The following EPS15 variants were observed in gnomAD, a reference collection of about 807,000 sequenced individuals.
The protein encoded by EPS15 is epidermal growth factor receptor substrate 15.
In EPS15, 72 loss-of-function variants were observed where a neutral mutation model predicts 113.8. That is an observed-to-expected ratio of 0.63 (90% CI 0.52 to 0.77). The LOEUF is 0.77. EPS15 is among the 30% of genes least tolerant of loss of function. The probability of loss-of-function intolerance (pLI) is 0.00; values close to 1 mark genes in which losing one functional copy is unlikely to be tolerated. For missense variants in EPS15, 1,048 were observed against 1,045.8 expected (o/e 1.00, Z -0.03); for synonymous variants, 344 against 363.4 (o/e 0.95, Z 0.61).
At chr1:51,378,729 A>C (rs538606768) in intron 21 of EPS15, among the ~76,000 whole-genome samples, 8 of 152,230 alleles carry the variant, frequency 5.3e-5, no homozygotes, top group Non-Finnish European at 1.0e-4. Flanking sequence ...CACTTTAAAA[A>C]TACGTAACTA....
At chr1:51,429,771 C>T (rs1213596578) in intron 12 of EPS15, among the ~76,000 whole-genome samples, 1 of 151,958 alleles carries the variant, frequency 6.6e-6, no homozygotes, top group Non-Finnish European at 1.5e-5. Context: ...CTGCCTCAGC[C>T]TTCCGAGTAG....
intron 2 of EPS15, among the ~76,000 whole-genome samples, chr1:51,478,277 C>T (rs1171192027): frequency 6.6e-6 from 1 of 152,044 alleles, no homozygotes; most frequent in Non-Finnish European, 1.5e-5. Flanking sequence ...GGATTGCAAC[C>T]CCTGCTTTTT....
At chr1:51,499,209 A>T (rs2148548114) in intron 1 of EPS15, among the ~76,000 whole-genome samples, 1 of 152,358 alleles carries the variant, frequency 6.6e-6, no homozygotes, top group East Asian at 1.9e-4. Context: ...TTATAGCAGC[A>T]AAAACAGACT....
chr1:51,470,086 A>C (rs1431691278), intron 4 of EPS15, among the ~76,000 whole-genome samples: 1 of 152,004 alleles, frequency 6.6e-6, no homozygotes, highest in African/African-American at 2.4e-5. Context: ...AGATTCAATT[A>C]CTCTTAGGTA....
At chr1:51,516,983 CA>C in intron 1 of EPS15, among the ~76,000 whole-genome samples, 1 of 152,202 alleles carries the variant, frequency 6.6e-6, no homozygotes, top group East Asian at 1.9e-4. Flanking sequence ...GTGGGGGGAA[CA>C]GAGGATGACA....
intron 13 of EPS15, 26 bp downstream of exon 13, chr1:51,421,760 G>A: frequency 7.0e-7 from 1 of 1,436,210 alleles, no homozygotes; most frequent in Admixed American, 1.9e-5. Context: ...ATCAGCAGTG[G>A]AACACTAAAT....
In EPS15 at chr1:51,355,804, C is replaced by G. The variant is rs1304436922; in HGVS notation, c.*896G>C. 4 of 197,138 alleles carry G rather than the reference C, an allele frequency of 2.0e-5. No individual in the cohort carries two copies. Among genetic ancestry groups the G allele is most frequent in the African/African-American group, 9.2e-5 (4 of 43,360 alleles). The allele number at this position is 197,138 out of a possible 1,614,324, so 12.2% of individuals were successfully genotyped here. A position where few individuals can be genotyped will look rare whatever the true frequency, so the allele number is the denominator to read the frequency against. ...CTTCTGCAAAAGTACAAAAATTAAC[C>G]CACTAAGAACTAAACAGGACAGGGC... On this transcript the variant is annotated 3_prime_UTR_variant, in exon 25 of 25. Coordinates refer to ENST00000371733, the MANE Select transcript of EPS15 (RefSeq NM_001981.3).
intron 1 of EPS15, among the ~76,000 whole-genome samples, chr1:51,493,577 T>TAAATAAATAAAA (rs1553136850): frequency 1.5e-5 from 2 of 132,974 alleles, no homozygotes; most frequent in African/African-American, 5.5e-5. Context: ...AATAAATAAA[T>TAAATAAATAAAA]AAAAATAAAG....
chr1:51,404,372 C>T (rs1380871432), intron 16 of EPS15, among the ~76,000 whole-genome samples: 3 of 147,544 alleles, frequency 2.0e-5, no homozygotes, highest in African/African-American at 2.5e-5. Context: ...AGCGAGACTC[C>T]GTCTCAAAAA....
chr1:51,467,170 A>G (rs985653300), intron 5 of EPS15, among the ~76,000 whole-genome samples: 3 of 152,254 alleles, frequency 2.0e-5, no homozygotes, highest in African/African-American at 7.2e-5. Context: ...CTAAAAGTTT[A>G]ACCAAAGTAT....
At chr1:51,501,373 C>T (rs955626582) in intron 1 of EPS15, among the ~76,000 whole-genome samples, 3 of 151,946 alleles carry the variant, frequency 2.0e-5, no homozygotes, top group African/African-American at 7.3e-5. Context: ...GCACCATTGT[C>T]AGCCTGGGTA....
chr1:51,364,797 C>T (rs570500316), intron 22 of EPS15, among the ~76,000 whole-genome samples: 11 of 151,920 alleles, frequency 7.2e-5, no homozygotes, highest in Non-Finnish European at 1.2e-4. Flanking sequence ...CTGCACCCAG[C>T]CTGAAAGTCA....
intron 10 of EPS15, among the ~76,000 whole-genome samples, chr1:51,446,690 G>A (rs942470678): frequency 6.6e-6 from 1 of 152,006 alleles, no homozygotes; most frequent in African/African-American, 2.4e-5. Flanking sequence ...CCCGACCTCA[G>A]GTGATCCACC....
chr1:51,510,567 T>G (rs150980289), intron 1 of EPS15, among the ~76,000 whole-genome samples: 2 of 152,318 alleles, frequency 1.3e-5, no homozygotes, highest in East Asian at 3.9e-4. Context: ...AGGATCTCTG[T>G]ATTGATACTT....
intron 1 of EPS15, among the ~76,000 whole-genome samples, chr1:51,515,785 G>A (rs931010290): frequency 6.6e-6 from 1 of 152,202 alleles, no homozygotes; most frequent in Non-Finnish European, 1.5e-5. Context: ...AGTACATAGA[G>A]AAGAACAGTG....
chr1:51,358,370 C>A (rs1646291060), intron 24 of EPS15, among the ~76,000 whole-genome samples: 2 of 152,192 alleles, frequency 1.3e-5, no homozygotes, highest in Non-Finnish European at 2.9e-5. Context: ...AATCTTAACA[C>A]TCATAATTAT....
intron 1 of EPS15, among the ~76,000 whole-genome samples, chr1:51,516,272 G>A (rs2148572856): frequency 6.6e-6 from 1 of 152,286 alleles, no homozygotes; most frequent in African/African-American, 2.4e-5. Context: ...AACTCCTCTA[G>A]CAGAAATAAG....
At chr1:51,396,896 A>G (rs375739837) in intron 20 of EPS15, among the ~76,000 whole-genome samples, 1 of 150,462 alleles carries the variant, frequency 6.6e-6, no homozygotes, top group African/African-American at 2.4e-5. Context: ...TTTTTTTTAA[A>G]TTGAGACAAG....
chr1:51,465,175 T>G, intron 6 of EPS15, 86 bp downstream of exon 6: 1 of 800,656 alleles, frequency 1.2e-6, no homozygotes, highest in African/African-American at 1.7e-5. Context: ...GAAAGTCTAA[T>G]GAAGATAGCA....
Sources: allele counts gnomAD v4.1 joint callset (sites outside exome capture counted in the v4.1 genomes callset), GRCh38; gene constraint gnomAD v4.1.1; transcripts MANE v1.5; gene names NCBI Gene and HGNC (gene_info 2026-07-23, HGNC 2026-07-21).